The following CNTNAP2 variants were observed in gnomAD, a reference collection of about 807,000 sequenced individuals.
The protein encoded by CNTNAP2 is contactin associated protein 2.
In CNTNAP2, 98 loss-of-function variants were observed where a neutral mutation model predicts 155.2. The ratio of observed to expected loss-of-function variants is 0.63; its 90% CI spans 0.54 to 0.75. The LOEUF is 0.75. CNTNAP2 is among the 30% of genes least tolerant of loss of function. The pLI, the probability that CNTNAP2 is intolerant of heterozygous loss-of-function variation, is 0.00. For synonymous variants in CNTNAP2, 651 were observed against 631.2 expected, an observed-to-expected ratio of 1.03 and a Z score of -0.47; for missense variants, 1,727 against 1,688.1, an observed-to-expected ratio of 1.02 and a Z score of -0.40.
At chr7:147,089,418 A>G (rs1392826571) in intron 4 of CNTNAP2, among the ~76,000 whole-genome samples, 1 of 152,192 alleles carries the variant, frequency 6.6e-6, no homozygotes, top group Non-Finnish European at 1.5e-5. Flanking sequence ...AGCCACTTGG[A>G]AAAACATTCT....
chr7:147,803,439 A>G (rs1313963572), intron 13 of CNTNAP2, among the ~76,000 whole-genome samples: 1 of 152,182 alleles, frequency 6.6e-6, no homozygotes, highest in African/African-American at 2.4e-5. Context: ...ACCGCAGGGA[A>G]AAGGTTAGAA....
chr7:146,461,058 CA>C (rs1796629129), intron 1 of CNTNAP2, among the ~76,000 whole-genome samples: 1 of 152,006 alleles, frequency 6.6e-6, no homozygotes, highest in South Asian at 2.1e-4. Flanking sequence ...ACACATAGAT[CA>C]AAACATCACC....
At chr7:148,228,181 G>C (rs902113576) in intron 19 of CNTNAP2, among the ~76,000 whole-genome samples, 8 of 152,144 alleles carry the variant, frequency 5.3e-5, no homozygotes, top group Admixed American at 5.2e-4. Context: ...CCATTTTTAA[G>C]CTCTGAGATA....
chr7:146,546,926 G>A (rs560845269), intron 1 of CNTNAP2, among the ~76,000 whole-genome samples: 1 of 152,064 alleles, frequency 6.6e-6, no homozygotes, highest in East Asian at 1.9e-4. Flanking sequence ...TGAAATTTGG[G>A]TGGAGACACA....
intron 3 of CNTNAP2, among the ~76,000 whole-genome samples, chr7:146,920,587 G>A (rs1274197012): frequency 6.6e-6 from 1 of 152,046 alleles, no homozygotes; most frequent in African/African-American, 2.4e-5. Context: ...ATGTTTGGAA[G>A]GAAATCAGAT....
chr7:147,419,999 C>CAG (rs147385993), intron 10 of CNTNAP2, among the ~76,000 whole-genome samples: 1 of 152,248 alleles, frequency 6.6e-6, no homozygotes, highest in African/African-American at 2.4e-5. Flanking sequence ...AGCTTAGAGG[C>CAG]AGAGATTCCA....
chr7:148,413,074 T>C (rs545028525), intron 23 of CNTNAP2, among the ~76,000 whole-genome samples: 86 of 152,096 alleles, frequency 5.7e-4, no homozygotes, highest in African/African-American at 2.0e-3. Flanking sequence ...TATTGCTGGG[T>C]TTGATTTGCT....
At chr7:146,881,634 C>G (rs984523220) in intron 3 of CNTNAP2, among the ~76,000 whole-genome samples, 1 of 150,186 alleles carries the variant, frequency 6.7e-6, no homozygotes, top group African/African-American at 2.5e-5. Context: ...TTTTTTGACA[C>G]AATAAATGGA....
chr7:148,248,953 C>T (rs549418116), intron 20 of CNTNAP2, among the ~76,000 whole-genome samples: 1 of 152,274 alleles, frequency 6.6e-6, no homozygotes, highest in African/African-American at 2.4e-5. Context: ...ATTTTCATTT[C>T]CCTGATGACT....
Position 146,172,148 on chromosome 7 carries a change from A to G in CNTNAP2, c.97+55175A>G, listed in dbSNP as rs1798403596. 3.4e-5 allele frequency among the ~76,000 whole-genome samples: 5 copies of G among 145,450 alleles called. No individual in the cohort carries two copies. In the Admixed American group the frequency reaches 3.6e-4, roughly 11 times the overall value. ...ATTTCTTGGGTTTTCTTTTTCACCT[A>G]CCATCCTTGTATTTCTTACAATTTG... On this transcript the variant is annotated intron_variant, in intron 1 of 23. Coordinates refer to ENST00000361727, the MANE Select transcript of CNTNAP2 (RefSeq NM_014141.6).
intron 12 of CNTNAP2, among the ~76,000 whole-genome samples, chr7:147,610,191 A>G (rs1200480033): frequency 6.6e-6 from 1 of 152,152 alleles, no homozygotes; most frequent in Non-Finnish European, 1.5e-5. Flanking sequence ...TAAATAATTG[A>G]TTTTCTGTAT....
Position 147,521,597 on chromosome 7 carries a change from T to C in CNTNAP2, c.1777+35556T>C, listed in dbSNP as rs546434860. On this transcript the variant is annotated intron_variant, in intron 11 of 23. Coordinates refer to ENST00000361727, the MANE Select transcript of CNTNAP2 (RefSeq NM_014141.6). ...CTCCTAGGCAGCCTGAAATGGAGAA[T>C]ATAAGCTGCTCTGATCAGGTATTGT... 9.2e-5 allele frequency among the ~76,000 whole-genome samples: 14 copies of C among 152,270 alleles called. No homozygotes were observed. In the South Asian group the frequency reaches 2.1e-3, roughly 23 times the overall value.
chr7:148,099,524 C>CTT (rs1336222228), intron 15 of CNTNAP2, among the ~76,000 whole-genome samples: 2 of 150,966 alleles, frequency 1.3e-5, no homozygotes, highest in African/African-American at 4.9e-5. Flanking sequence ...GTGGATGGTA[C>CTT]AACCTCAGGA....
chr7:147,234,037 T>TAAAA (rs397791358), intron 8 of CNTNAP2, among the ~76,000 whole-genome samples: 3 of 133,528 alleles, frequency 2.2e-5, no homozygotes, highest in African/African-American at 5.5e-5. Context: ...CTATCCACAG[T>TAAAA]AAAAAAAAAA....
intron 8 of CNTNAP2, among the ~76,000 whole-genome samples, chr7:147,285,052 G>A (rs763060426): frequency 9.2e-5 from 14 of 151,782 alleles, no homozygotes; most frequent in Non-Finnish European, 1.9e-4. Context: ...CTGGTGGCAT[G>A]TATAAAAACA....
intron 3 of CNTNAP2, among the ~76,000 whole-genome samples, chr7:146,900,704 G>A (rs1048171428): frequency 6.6e-6 from 1 of 152,094 alleles, no homozygotes. Flanking sequence ...CAGTACCTCT[G>A]TCAGCTTTCT....
chr7:148,186,565 T>A (rs147082295), intron 18 of CNTNAP2, among the ~76,000 whole-genome samples: 17 of 152,276 alleles, frequency 1.1e-4, no homozygotes, highest in African/African-American at 4.1e-4. Context: ...TTCAGACAAC[T>A]GGAAAGATTT....
intron 1 of CNTNAP2, among the ~76,000 whole-genome samples, chr7:146,236,184 T>A (rs1235414258): frequency 6.6e-6 from 1 of 152,132 alleles, no homozygotes; most frequent in African/African-American, 2.4e-5. Flanking sequence ...TCACCAAGAA[T>A]TAAATAGAAG....
At chr7:147,859,026 C>T (rs746341547) in intron 13 of CNTNAP2, among the ~76,000 whole-genome samples, 5 of 152,206 alleles carry the variant, frequency 3.3e-5, no homozygotes, top group South Asian at 2.1e-4. Flanking sequence ...TATCCTTAAG[C>T]GAATATAAGA....
Sources: gnomAD v4.1 joint callset for allele counts (sites outside exome capture counted in the v4.1 genomes callset) on GRCh38, gnomAD v4.1.1 for gene constraint, MANE v1.5 for transcripts, NCBI Gene and HGNC (gene_info 2026-07-23, HGNC 2026-07-21) for gene names.